The following MSI2 variants were observed in gnomAD, a reference collection of about 807,000 sequenced individuals.
The protein encoded by MSI2 is musashi RNA binding protein 2, also known as RNA-binding protein Musashi homolog 2.
In MSI2, 17 loss-of-function variants were observed where a neutral mutation model predicts 45.6. The ratio of observed to expected loss-of-function variants is 0.37; its 90% CI spans 0.26 to 0.56. The LOEUF is 0.56. MSI2 is among the 20% of genes least tolerant of loss of function. The pLI is 0.77. For synonymous variants in MSI2, 156 were observed against 158.2 expected (o/e 0.99, Z 0.11); for missense variants, 293 against 444.2 (o/e 0.66, Z 3.06).
intron 7 of MSI2, among the ~76,000 whole-genome samples, chr17:57,548,427 T>C (rs2087221759): frequency 6.6e-6 from 1 of 152,164 alleles, no homozygotes; most frequent in South Asian, 2.1e-4. Context: ...TTGTCAAGCT[T>C]TCTTTCAAAA....
intron 6 of MSI2, among the ~76,000 whole-genome samples, chr17:57,447,815 A>G (rs2084928186): frequency 6.6e-6 from 1 of 152,032 alleles, no homozygotes; most frequent in Non-Finnish European, 1.5e-5. Context: ...CCCAGCCCCC[A>G]CTGACACTGA....
rs1282709240 is a variant in MSI2, at chr17:57,596,959, G to C, written c.537+9G>C. 5.0e-6 allele frequency: 8 copies of C among 1,595,930 alleles called. No homozygotes were observed. Among genetic ancestry groups the C allele is most frequent in the Non-Finnish European group, 6.0e-6 (7 of 1,163,592 alleles). On this transcript the variant is annotated intron_variant, in intron 8 of 13. Transcript: ENST00000284073. This position sits in a 1 kb window ranked among gnomAD's most constrained non-coding sequence, Gnocchi z 4.6. ...AAATCAATAATAAAATGGTAAGTGT[G>C]TAGGGGTTGCGCTGAAATGGAATGC...
intron 6 of MSI2, among the ~76,000 whole-genome samples, chr17:57,456,581 C>T (rs758336570): frequency 1.1e-4 from 17 of 151,608 alleles, no homozygotes; most frequent in Non-Finnish European, 2.2e-4. Flanking sequence ...GGCGACAGAG[C>T]GATCGAGACT....
At chr17:57,349,283 G>A (rs185078915) in intron 5 of MSI2, among the ~76,000 whole-genome samples, 3 of 152,148 alleles carry the variant, frequency 2.0e-5, no homozygotes, top group Admixed American at 2.0e-4. Context: ...GATTTTCAGT[G>A]TGTGTCTCCG....
chr17:57,439,045 G>A (rs1031570261), intron 6 of MSI2, among the ~76,000 whole-genome samples: 6 of 152,052 alleles, frequency 3.9e-5, no homozygotes, highest in East Asian at 1.9e-4. Flanking sequence ...CAGGTGATCC[G>A]CAGAGGCATA....
At chr17:57,301,281 C>A (rs149243966) in intron 5 of MSI2, among the ~76,000 whole-genome samples, 2 of 152,306 alleles carry the variant, frequency 1.3e-5, no homozygotes, top group African/African-American at 4.8e-5. Context: ...AAGTACTGAG[C>A]ACCCTTAAGA....
At chr17:57,474,497 C>T (rs1172105491) in intron 6 of MSI2, among the ~76,000 whole-genome samples, 4 of 152,110 alleles carry the variant, frequency 2.6e-5, no homozygotes, top group African/African-American at 9.7e-5. Context: ...CATCTCTGGC[C>T]TTTACTCACT....
intron 7 of MSI2, among the ~76,000 whole-genome samples, chr17:57,568,058 A>G (rs999104525): frequency 1.3e-5 from 2 of 152,134 alleles, no homozygotes; most frequent in African/African-American, 2.4e-5. Context: ...TCCAAGACCT[A>G]TGTTCTTTCA....
chr17:57,580,067 GAA>G (rs531964033), intron 7 of MSI2, among the ~76,000 whole-genome samples: 3 of 138,546 alleles, frequency 2.2e-5, no homozygotes, highest in Admixed American at 7.2e-5. Context: ...GAATGTTCCA[GAA>G]AAAAAAAAAA....
At chr17:57,289,831 C>T (rs1170289124) in intron 5 of MSI2, among the ~76,000 whole-genome samples, 1 of 152,218 alleles carries the variant, frequency 6.6e-6, no homozygotes, top group African/African-American at 2.4e-5. Flanking sequence ...GTGAGAAGCT[C>T]GCTGAATCAC....
downstream of MSI2, among the ~76,000 whole-genome samples, chr17:57,689,161 G>T (rs75641096): frequency 0.02 from 2,827 of 142,794 alleles, 63 homozygotes; most frequent in African/African-American, 0.068. Flanking sequence ...ATTGTATGCA[G>T]TGATATGTGG....
At chr17:57,270,317 CT>C (rs1203153316) in intron 5 of MSI2, among the ~76,000 whole-genome samples, 22 of 152,280 alleles carry the variant, frequency 1.4e-4, no homozygotes, top group African/African-American at 5.3e-4. Flanking sequence ...GGGCAGACAG[CT>C]TTCTAGAACC....
intron 6 of MSI2, among the ~76,000 whole-genome samples, chr17:57,527,243 GA>G (rs2086720551): frequency 1.6e-5 from 2 of 128,420 alleles, no homozygotes; most frequent in Non-Finnish European, 3.2e-5. Flanking sequence ...TTACCTGCGT[GA>G]TACCTGGCAG....
chr17:57,346,392 A>G (rs792396), intron 5 of MSI2, among the ~76,000 whole-genome samples: 1,985 of 150,874 alleles, frequency 0.013, 44 homozygotes, highest in African/African-American at 0.046. Context: ...ATGTAAACCC[A>G]TGGAATTCAT....
chr17:57,270,184 T>C (rs1009677309), intron 5 of MSI2, among the ~76,000 whole-genome samples: 1 of 152,222 alleles, frequency 6.6e-6, no homozygotes, highest in Admixed American at 6.5e-5. Context: ...TCATTTATTG[T>C]GAGTTTATAT....
At chr17:57,433,861 T>C (rs1406885155) in intron 6 of MSI2, among the ~76,000 whole-genome samples, 1 of 152,236 alleles carries the variant, frequency 6.6e-6, no homozygotes, top group Non-Finnish European at 1.5e-5. Context: ...CTAACCAGTG[T>C]TTTTTGTATG....
At chr17:57,342,112 C>G (rs1372467456) in intron 5 of MSI2, among the ~76,000 whole-genome samples, 1 of 152,216 alleles carries the variant, frequency 6.6e-6, no homozygotes, top group Non-Finnish European at 1.5e-5. Context: ...TGTCTCTCCT[C>G]TCATTAGGAA....
rs186712110 is a variant in MSI2, at chr17:57,424,277, T to A, written c.405+22806T>A. 1.4e-4 allele frequency among the ~76,000 whole-genome samples: 22 copies of A among 152,364 alleles called. 1 individual carries two copies. Among genetic ancestry groups the A allele is most frequent in the African/African-American group, 5.1e-4 (21 of 41,582 alleles). ...TCTCTAATACTCCAAGGTATCCTTC[T>A]GGGATGAGGAGGGAAAAATCAGACA... On this transcript the variant is annotated intron_variant, in intron 6 of 13. Transcript: ENST00000284073.
chr17:57,444,115 A>G (rs544929806), intron 6 of MSI2, among the ~76,000 whole-genome samples: 15 of 152,206 alleles, frequency 9.9e-5, no homozygotes, highest in African/African-American at 2.9e-4. Flanking sequence ...TTTAGAAAGG[A>G]CTCGAGAGGC....
Sources: gnomAD v4.1 joint callset for allele counts (sites outside exome capture counted in the v4.1 genomes callset) on GRCh38, gnomAD v4.1.1 for gene constraint, Gnocchi (gnomAD v3.1) non-coding constraint, MANE v1.5 for transcripts, NCBI Gene and HGNC (gene_info 2026-07-23, HGNC 2026-07-21) for gene names.